NLGN1: variants seen among roughly 807,000 people sequenced by gnomAD.
NLGN1 encodes the protein neuroligin 1, also known as neuroligin-1.
In NLGN1, 12 loss-of-function variants were observed where a neutral mutation model predicts 65.5. The observed-to-expected ratio is 0.18, with a 90% CI of 0.12 to 0.30. NLGN1 has a LOEUF of 0.30. Among genes scored for constraint, NLGN1 ranks in the 10% least tolerant of loss-of-function variants. NLGN1 has a pLI of 1.00. For synonymous variants in NLGN1, 350 were observed against 359.5 expected, an observed-to-expected ratio of 0.97 and a Z score of 0.30; for missense variants, 750 against 1,007.1, an observed-to-expected ratio of 0.74 and a Z score of 3.46.
At chr3:173,627,357 T>C (rs1156578358) in intron 3 of NLGN1, among the ~76,000 whole-genome samples, 1 of 152,138 alleles carries the variant, frequency 6.6e-6, no homozygotes, top group African/African-American at 2.4e-5. Context: ...TCCAGGTTCA[T>C]GTATGTTGTT....
At chr3:173,475,194 T>C (rs1004942679) in intron 2 of NLGN1, among the ~76,000 whole-genome samples, 2 of 152,286 alleles carry the variant, frequency 1.3e-5, no homozygotes, top group South Asian at 4.1e-4. Context: ...TTGTGAAATA[T>C]ATATAATTTC....
intron 2 of NLGN1, among the ~76,000 whole-genome samples, chr3:173,514,203 C>T (rs1178335712): frequency 6.6e-6 from 1 of 152,036 alleles, no homozygotes; most frequent in Admixed American, 6.6e-5. Context: ...AGAATAATTA[C>T]CTGAAATTTA....
At chr3:174,021,741 C>T (rs1415911479) in intron 4 of NLGN1, among the ~76,000 whole-genome samples, 1 of 152,096 alleles carries the variant, frequency 6.6e-6, no homozygotes, top group Non-Finnish European at 1.5e-5. Flanking sequence ...AGACAGAAGT[C>T]ATCAGGTTTC....
At chr3:173,654,689 T>C (rs936650674) in intron 3 of NLGN1, among the ~76,000 whole-genome samples, 54 of 152,180 alleles carry the variant, frequency 3.5e-4, no homozygotes, top group African/African-American at 1.2e-3. Flanking sequence ...TATGTTAGGA[T>C]TGAAGAATTA....
chr3:173,425,391 C>T, intron 1 of NLGN1, among the ~76,000 whole-genome samples: 1 of 151,598 alleles, frequency 6.6e-6, no homozygotes, highest in Admixed American at 6.6e-5. Context: ...TCTCATTTGT[C>T]ACCTGTGTTA....
At chr3:173,417,007 C>T (rs1009193112) in intron 1 of NLGN1, among the ~76,000 whole-genome samples, 4 of 152,034 alleles carry the variant, frequency 2.6e-5, no homozygotes, top group East Asian at 1.9e-4. Context: ...GAAATATGTG[C>T]TCTTGCAATT....
At chr3:173,482,033 C>G (rs13318704) in intron 2 of NLGN1, among the ~76,000 whole-genome samples, 1,629 of 151,932 alleles carry the variant, frequency 0.011, 30 homozygotes, top group African/African-American at 0.038. Context: ...TACACATAGG[C>G]AATTTGTTTT....
chr3:174,065,235 A>G (rs993133247), intron 4 of NLGN1, among the ~76,000 whole-genome samples: 1 of 152,104 alleles, frequency 6.6e-6, no homozygotes, highest in Admixed American at 6.6e-5. Flanking sequence ...AGGTTCTTAT[A>G]TAAGTGCTAA....
chr3:173,762,583 T>C (rs1778135070), intron 3 of NLGN1, among the ~76,000 whole-genome samples: 4 of 152,058 alleles, frequency 2.6e-5, no homozygotes. Context: ...GACTGTTTTA[T>C]TATGTTTACT....
At position 173,768,008 on chromosome 3, in the gene NLGN1, TTAAG is replaced by T. The variant is rs572338287; in HGVS notation, c.494-39666_494-39663del. Among the ~76,000 whole-genome samples the T allele has an allele frequency of 1.4e-3, 212 of 152,228 alleles. 1 individual carries two copies. The highest frequency in any genetic ancestry group is 4.3e-3 in the African/African-American group (180 of 41,574). Reference sequence around the variant, plus strand: ...TTAAATTTTTCATTTTATTTTAACATTAAGTAAGTTGTTAATAAGAAACAAGCTT... The same window carrying T: ...TTAAATTTTTCATTTTATTTTAACATTAAGTTGTTAATAAGAAACAAGCTT... On this transcript the variant is annotated intron_variant, in intron 3 of 6. Coordinates refer to ENST00000457714, the Ensembl canonical transcript of NLGN1.
intron 4 of NLGN1, among the ~76,000 whole-genome samples, chr3:173,869,296 T>G (rs1358356852): frequency 6.6e-6 from 1 of 152,188 alleles, no homozygotes; most frequent in Non-Finnish European, 1.5e-5. Flanking sequence ...TTTCTTAACA[T>G]AGAAATTAAT....
intron 4 of NLGN1, among the ~76,000 whole-genome samples, chr3:173,975,967 G>A (rs1172119443): frequency 6.6e-6 from 1 of 152,010 alleles, no homozygotes; most frequent in East Asian, 1.9e-4. Context: ...AGCATTGGTA[G>A]ATCTGCAATA....
intron 3 of NLGN1, among the ~76,000 whole-genome samples, chr3:173,649,577 A>T (rs958180086): frequency 2.6e-5 from 4 of 152,086 alleles, no homozygotes; most frequent in Non-Finnish European, 5.9e-5. Flanking sequence ...TCACCTTCAC[A>T]TTCCCTCCTA....
chr3:173,852,996 A>G (rs1198431988), intron 4 of NLGN1, among the ~76,000 whole-genome samples: 2 of 152,178 alleles, frequency 1.3e-5, no homozygotes, highest in Middle Eastern at 3.2e-3. Context: ...TGTTATTGCT[A>G]TTTGAATATG....
Position 173,890,488 on chromosome 3 carries a change from C to T in NLGN1, c.646+82656C>T, listed in dbSNP as rs567011516. 2.0e-5 allele frequency among the ~76,000 whole-genome samples: 3 copies of T among 152,234 alleles called. No homozygotes were observed. In the East Asian group the frequency reaches 5.8e-4, roughly 29 times the overall value. Reference sequence around the variant, plus strand: ...CATCGAGCACAAAATGTTCAACTGCCTGACTCTTGAACCCTTTTCCCTGAC... The same window carrying T: ...CATCGAGCACAAAATGTTCAACTGCTTGACTCTTGAACCCTTTTCCCTGAC... On this transcript the variant is annotated intron_variant, in intron 4 of 6. Transcript: ENST00000457714.
chr3:173,789,764 AC>A, intron 3 of NLGN1: 1 of 451,334 alleles, frequency 2.2e-6, no homozygotes, highest in South Asian at 1.6e-5. Flanking sequence ...GGTGTTCCAC[AC>A]TCCGCCCATC....
chr3:173,902,588 G>GTATTTTTT (rs1737571972), intron 4 of NLGN1, among the ~76,000 whole-genome samples: 1 of 152,014 alleles, frequency 6.6e-6, no homozygotes, highest in Non-Finnish European at 1.5e-5. Flanking sequence ...ACTCAAACCA[G>GTATTTTTT]TTTTTAAGTT....
intron 4 of NLGN1, among the ~76,000 whole-genome samples, chr3:174,048,291 T>G (rs1243433972): frequency 6.6e-6 from 1 of 152,080 alleles, no homozygotes; most frequent in Non-Finnish European, 1.5e-5. Flanking sequence ...TTGCCCTTTA[T>G]AAGCTTTAGT....
chr3:174,053,729 C>T (rs992961372), intron 4 of NLGN1, among the ~76,000 whole-genome samples: 2 of 151,868 alleles, frequency 1.3e-5, no homozygotes, highest in African/African-American at 4.8e-5. Context: ...TTCCCTAATC[C>T]TTGCCCTTTT....
Sources: allele counts gnomAD v4.1 joint callset (sites outside exome capture counted in the v4.1 genomes callset), GRCh38; gene constraint gnomAD v4.1.1; transcripts MANE v1.5; gene names NCBI Gene and HGNC (gene_info 2026-07-23, HGNC 2026-07-21).